The following KRABD5 variants were observed in gnomAD, a reference collection of about 807,000 sequenced individuals.
The protein encoded by KRABD5 is KRAB domain containing 5.
chr16:31,759,026 A>G, the KRABD5 span: 2 of 224,598 alleles, frequency 8.9e-6, no homozygotes, highest in South Asian at 1.4e-4. Context: ...CTCTAAAAGT[A>G]TGGTGGATAT....
chr16:31,718,211 G>A, the KRABD5 span, among the ~76,000 whole-genome samples: 657 of 152,234 alleles, frequency 4.3e-3, 3 homozygotes, highest in African/African-American at 0.015. Flanking sequence ...TCTCCAGGAT[G>A]TGTGAGAGCA....
At chr16:31,748,219 C>T in the KRABD5 span, among the ~76,000 whole-genome samples, 2 of 152,098 alleles carry the variant, frequency 1.3e-5, no homozygotes, top group African/African-American at 4.8e-5. Flanking sequence ...GGCTAGCCAG[C>T]TTTCCCAGCA....
chr16:31,759,379 A>G, the KRABD5 span: 2 of 1,537,164 alleles, frequency 1.3e-6, no homozygotes, highest in Non-Finnish European at 8.8e-7. Context: ...TATGGTGAAA[A>G]AAATCAACAA....
chr16:31,734,128 T>C, the KRABD5 span, among the ~76,000 whole-genome samples: 4 of 152,184 alleles, frequency 2.6e-5, no homozygotes, highest in African/African-American at 9.7e-5. Flanking sequence ...AGTACAATTA[T>C]ATATATGTGT....
the KRABD5 span, among the ~76,000 whole-genome samples, chr16:31,719,913 G>T: frequency 3.6e-3 from 551 of 152,258 alleles, 14 homozygotes; most frequent in South Asian, 0.049. Flanking sequence ...AAATCCTTAA[G>T]AACTAAACTT....
chr16:31,723,317 A>G, the KRABD5 span: 1 of 1,613,976 alleles, frequency 6.2e-7, no homozygotes. Flanking sequence ...AGAGCCCTGG[A>G]ATGTGAAGAG....
chr16:31,735,380 G>A, the KRABD5 span, among the ~76,000 whole-genome samples: 20 of 152,208 alleles, frequency 1.3e-4, no homozygotes, highest in South Asian at 2.9e-3. Flanking sequence ...ACATGGGAAT[G>A]CAGCTATGTT....
chr16:31,717,543 A>G, the KRABD5 span, among the ~76,000 whole-genome samples: 4 of 152,190 alleles, frequency 2.6e-5, no homozygotes, highest in African/African-American at 4.8e-5. Context: ...ATTTAGGATG[A>G]ACTCTTATCT....
the KRABD5 span, among the ~76,000 whole-genome samples, chr16:31,744,365 G>C: frequency 2.6e-5 from 4 of 152,116 alleles, no homozygotes; most frequent in African/African-American, 9.7e-5. Flanking sequence ...GGCCTTTTCT[G>C]TATCTATTGA....
chr16:31,754,897 C>T, the KRABD5 span: 3 of 454,282 alleles, frequency 6.6e-6, no homozygotes, highest in Non-Finnish European at 1.3e-5. Context: ...AAGAATGTGG[C>T]AAAGCCTTCA....
the KRABD5 span, among the ~76,000 whole-genome samples, chr16:31,734,733 T>A: frequency 6.6e-6 from 1 of 151,802 alleles, no homozygotes; most frequent in South Asian, 2.1e-4. Context: ...TATATCAGCT[T>A]TTTTTTCCTT....
the KRABD5 span, among the ~76,000 whole-genome samples, chr16:31,747,211 A>AT: frequency 7.4e-6 from 1 of 135,292 alleles, no homozygotes; most frequent in Admixed American, 8.3e-5. Flanking sequence ...TCATTGTTCA[A>AT]TTCCCACCTA....
the KRABD5 span, among the ~76,000 whole-genome samples, chr16:31,719,404 A>G: frequency 1.3e-5 from 2 of 152,258 alleles, no homozygotes; most frequent in African/African-American, 4.8e-5. Flanking sequence ...CAAAATACTT[A>G]AGGATGAAAC....
At chr16:31,749,621 T>C in the KRABD5 span, among the ~76,000 whole-genome samples, 2 of 152,200 alleles carry the variant, frequency 1.3e-5, no homozygotes, top group Non-Finnish European at 2.9e-5. Context: ...GGTTGCACAG[T>C]TCCCTGGAAG....
At chr16:31,752,720 A>G in the KRABD5 span, among the ~76,000 whole-genome samples, 1 of 152,134 alleles carries the variant, frequency 6.6e-6, no homozygotes, top group African/African-American at 2.4e-5. Context: ...TTAAAAAATT[A>G]TTCAGATGTG....
At chr16:31,734,482 C>T in the KRABD5 span, among the ~76,000 whole-genome samples, 5 of 152,024 alleles carry the variant, frequency 3.3e-5, no homozygotes. Context: ...GAACTCCTGA[C>T]CTTAAGTGGT....
At chr16:31,753,809 T>G in the KRABD5 span, 1 of 1,544,858 alleles carries the variant, frequency 6.5e-7, no homozygotes. Flanking sequence ...GAAAGAAGCT[T>G]ATAGAAGCAT....
chr16:31,755,895 T>C, the KRABD5 span: 1 of 198,088 alleles, frequency 5.0e-6, no homozygotes, highest in South Asian at 7.6e-5. Flanking sequence ...ATCCCCACTT[T>C]AAAATTAAAT....
the KRABD5 span, chr16:31,755,308 A>G: frequency 2.0e-6 from 1 of 507,444 alleles, no homozygotes; most frequent in Non-Finnish European, 4.0e-6. Context: ...ATAAATGCAA[A>G]GAATGTGGCA....
Sources: gnomAD v4.1 joint callset for allele counts (sites outside exome capture counted in the v4.1 genomes callset) on GRCh38, gnomAD v4.1.1 for gene constraint, MANE v1.5 for transcripts, NCBI Gene and HGNC (gene_info 2026-07-23, HGNC 2026-07-21) for gene names.